Variants in SDC1 observed in about 807,000 individuals in gnomAD.
SDC1 encodes syndecan 1, also known as syndecan-1.
In SDC1, 14 loss-of-function variants were observed where a neutral mutation model predicts 29.7. The observed-to-expected ratio is 0.47, with a 90% confidence interval of 0.31 to 0.74. The LOEUF is 0.74. Ranked by LOEUF, SDC1 falls within the 30% of genes least tolerant of loss-of-function variation. The pLI is 0.05. For missense variants in SDC1, 406 were observed against 400.3 expected (o/e 1.01, Z -0.12); for synonymous variants, 204 against 175.5 (o/e 1.16, Z -1.29).
chr2:20,206,416 C>A (rs1171983378), intron 1 of SDC1, among the ~76,000 whole-genome samples: 3 of 152,208 alleles, frequency 2.0e-5, no homozygotes, highest in African/African-American at 2.4e-5. Flanking sequence ...AGTGAGCAGG[C>A]CTGTGCAGAA....
At position 20,206,858 on chromosome 2, in the gene SDC1, A is replaced by C. The variant is rs371325442; in HGVS notation, c.67-1434T>G. 1.8e-4 allele frequency among the ~76,000 whole-genome samples: 27 copies of C among 152,390 alleles called. No homozygotes were observed. In the East Asian group the frequency reaches 4.6e-3, roughly 26 times the overall value. On this transcript the variant is annotated intron_variant, in intron 1 of 4. Coordinates refer to ENST00000254351, the MANE Select transcript of SDC1 (RefSeq NM_002997.5). ...AGCCTGGCACCCAGTGGGCACCCAC[A>C]AACAGTGGCCACTGTCTAACTAGGG...
intron 1 of SDC1, among the ~76,000 whole-genome samples, chr2:20,222,215 T>A (rs1677845086): frequency 6.6e-6 from 1 of 152,158 alleles, no homozygotes; most frequent in Non-Finnish European, 1.5e-5. Flanking sequence ...ACCCATTCAG[T>A]CACTCCTTGC....
At position 20,224,646 on chromosome 2, in the gene SDC1, T is replaced by TGGTCTCGG. The variant is rs1677933764; in HGVS notation, c.66+148_66+155dup. Among the ~76,000 whole-genome samples the TGGTCTCGG allele has an allele frequency of 6.7e-6, 1 of 150,006 alleles. No homozygotes were observed. Among genetic ancestry groups the TGGTCTCGG allele is most frequent in the African/African-American group, 2.5e-5 (1 of 40,484 alleles). The stretch of plus-strand genomic sequence containing the variant: ...GCGGAGGAAATTGGGGCTGGAGCCC[T>TGGTCTCGG]GGTCTCGGGGCTCACCGTCCCGGGA... On this transcript the variant is annotated intron_variant, in intron 1 of 4. Coordinates refer to ENST00000254351, the MANE Select transcript of SDC1 (RefSeq NM_002997.5). This position sits in a 1 kb window ranked among gnomAD's most constrained non-coding sequence, Gnocchi z 4.9.
In SDC1 at chr2:20,224,099, C is replaced by A; in HGVS notation, c.66+703G>T. 2 of 380,198 alleles carry A rather than the reference C, an allele frequency of 5.3e-6. No individual in the cohort carries two copies. Among genetic ancestry groups the A allele is most frequent in the South Asian group, 3.5e-5 (2 of 57,288 alleles). The allele number at this position is 380,198 out of a possible 1,614,324, so 23.6% of individuals were successfully genotyped here. A position where few individuals can be genotyped will look rare whatever the true frequency, so the allele number is the denominator to read the frequency against. Reference sequence around the variant, plus strand: ...AACGCGCCCTCCGGGGCCAGCTCAACTTCAGCAGCCCAGAAGTTGGGCTCC... The same window carrying A: ...AACGCGCCCTCCGGGGCCAGCTCAAATTCAGCAGCCCAGAAGTTGGGCTCC... On this transcript the variant is annotated intron_variant, in intron 1 of 4. Coordinates refer to ENST00000254351, the MANE Select transcript of SDC1 (RefSeq NM_002997.5). The surrounding 1 kb of genome is among the most constrained non-coding windows in gnomAD (Gnocchi z 4.9).
At position 20,225,029 on chromosome 2, in the gene SDC1, G is replaced by A. The variant is rs1030985749; in HGVS notation, c.-162C>T. 4.6e-6 allele frequency: 4 copies of A among 861,542 alleles called. No individual in the cohort carries two copies. In the African/African-American group the frequency reaches 7.1e-5, roughly 15 times the overall value. The allele number at this position is 861,542 out of a possible 1,614,324, so 53.4% of individuals were successfully genotyped here. A position where few individuals can be genotyped will look rare whatever the true frequency, so the allele number is the denominator to read the frequency against. On this transcript the variant is annotated 5_prime_UTR_variant, in exon 1 of 5. Coordinates refer to ENST00000254351, the MANE Select transcript of SDC1 (RefSeq NM_002997.5). ...CGCCGGCTGGAGTCCGCTCTCTACT[G>A]CCGGATTCCTCTCCGCTCGGCTCGG... is the stretch of plus-strand genomic sequence containing the variant.
At position 20,204,403 on chromosome 2, in the gene SDC1, C is replaced by T. The variant is rs1677181830; in HGVS notation, c.149-112G>A. 4 of 729,368 alleles carry T rather than the reference C, an allele frequency of 5.5e-6. No homozygotes were observed. The South Asian group carries it at 6.6e-5, about 12-fold the overall frequency. 45.2% of individuals were successfully genotyped at this position (729,368 alleles called of 1,614,324 possible). A position where few individuals can be genotyped will look rare whatever the true frequency, so the allele number is the denominator to read the frequency against. ...CCAGAGCACCTGGGCTGGCCAAGCTCAGGCTATGAGGGAGGCTAGTACCTG... is the reference window on the plus strand; with the variant it reads ...CCAGAGCACCTGGGCTGGCCAAGCTTAGGCTATGAGGGAGGCTAGTACCTG... On this transcript the variant is annotated intron_variant, in intron 2 of 4. Transcript: ENST00000254351.
Position 20,224,598 on chromosome 2 carries a change from G to T in SDC1, c.66+204C>A, listed in dbSNP as rs561690119. On this transcript the variant is annotated intron_variant, in intron 1 of 4. Transcript: ENST00000254351. The surrounding 1 kb of genome is among the most constrained non-coding windows in gnomAD (Gnocchi z 4.9). ...CGGCCCCCCACCCTCCCCAGCGCGG[G>T]ACCGGTGCGGCACCCACCGACAGCG... 4.1e-3 allele frequency among the ~76,000 whole-genome samples: 623 copies of T among 151,720 alleles called. 4 individuals carry two copies. Among genetic ancestry groups the T allele is most frequent in the African/African-American group, 0.015 (604 of 41,452 alleles).
At chr2:20,218,478 C>T (rs1677702316) in intron 1 of SDC1, among the ~76,000 whole-genome samples, 2 of 152,094 alleles carry the variant, frequency 1.3e-5, no homozygotes, top group South Asian at 4.2e-4. Context: ...CAGGCAAGGC[C>T]CAAATGCAGT....
chr2:20,211,977 A>T (rs1171068016), intron 1 of SDC1, among the ~76,000 whole-genome samples: 1 of 152,242 alleles, frequency 6.6e-6, no homozygotes, highest in African/African-American at 2.4e-5. Flanking sequence ...GGAATCCGCC[A>T]TGCGGCTCCC....
chr2:20,201,999 A>G lies in SDC1; in HGVS notation c.*767T>C. The G allele has an allele frequency of 2.5e-6, 1 of 394,864 alleles. No individual in the cohort carries two copies. Among genetic ancestry groups the G allele is most frequent in the Non-Finnish European group, 4.5e-6 (1 of 223,808 alleles). 24.5% of individuals were successfully genotyped at this position (394,864 alleles called of 1,614,324 possible). On this transcript the variant is annotated 3_prime_UTR_variant, in exon 5 of 5. Coordinates refer to ENST00000254351, the MANE Select transcript of SDC1 (RefSeq NM_002997.5). ...ACCACCAGAAACGGGGCCACCAGAC[A>G]GATAGTCCATACCCTGTTGCACACA...
chr2:20,204,326 G>A (rs544991047), intron 2 of SDC1, 35 bp from the exon 3 acceptor site: 4 of 1,454,094 alleles, frequency 2.8e-6, no homozygotes, highest in South Asian at 1.2e-5. Context: ...TTGGGGAGGT[G>A]GGGGGTGGGG....
intron 1 of SDC1, among the ~76,000 whole-genome samples, chr2:20,208,438 C>T (rs1450838940): frequency 6.6e-6 from 1 of 152,248 alleles, no homozygotes; most frequent in Non-Finnish European, 1.5e-5. Flanking sequence ...CCTTCAGTCT[C>T]CACTAAGGGG....
chr2:20,222,922 G>A (rs927280654), intron 1 of SDC1, among the ~76,000 whole-genome samples: 2 of 152,148 alleles, frequency 1.3e-5, no homozygotes, highest in African/African-American at 2.4e-5. Context: ...TGCGAGAATG[G>A]GGCAGTGAGG....
At chr2:20,213,889 A>AG in intron 1 of SDC1, among the ~76,000 whole-genome samples, 1 of 152,348 alleles carries the variant, frequency 6.6e-6, no homozygotes, top group East Asian at 1.9e-4. Context: ...CTGTGTGTGA[A>AG]GGTGGGGGAG....
intron 1 of SDC1, among the ~76,000 whole-genome samples, chr2:20,211,919 G>A (rs781703214): frequency 1.3e-5 from 2 of 152,242 alleles, no homozygotes; most frequent in South Asian, 2.1e-4. Flanking sequence ...CACTGAGCAG[G>A]CAGGTCATAT....
rs1677927637 is a variant in SDC1, at chr2:20,224,473, C to G, written c.66+329G>C. Among the ~76,000 whole-genome samples the G allele has an allele frequency of 6.6e-6, 1 of 151,640 alleles. No homozygotes were observed. The highest frequency in any genetic ancestry group is 1.5e-5 in the Non-Finnish European group (1 of 67,848). ...GACGGGGGCCCGGCCGCCGCGGTGG[C>G]CGGGGCGAGGAGGGTGGGAACGGGC... On this transcript the variant is annotated intron_variant, in intron 1 of 4. Coordinates refer to ENST00000254351, the MANE Select transcript of SDC1 (RefSeq NM_002997.5). The surrounding 1 kb of genome is among the most constrained non-coding windows in gnomAD (Gnocchi z 4.9).
rs556209930 is a variant in SDC1 at position 20,224,456 on chromosome 2, C to T, written c.66+346G>A. On this transcript the variant is annotated intron_variant, in intron 1 of 4. Transcript: ENST00000254351. This position sits in a 1 kb window ranked among gnomAD's most constrained non-coding sequence, Gnocchi z 4.9. ...CATCCCCCCGGGTCACCGACGGGGG[C>T]CCGGCCGCCGCGGTGGCCGGGGCGA... Among the ~76,000 whole-genome samples the T allele has an allele frequency of 2.0e-5, 3 of 151,618 alleles. No individual in the cohort carries two copies. The South Asian group carries it at 6.2e-4, about 31-fold the overall frequency.
At chr2:20,206,909 C>A (rs1328558643) in intron 1 of SDC1, among the ~76,000 whole-genome samples, 2 of 152,244 alleles carry the variant, frequency 1.3e-5, no homozygotes, top group African/African-American at 4.8e-5. Flanking sequence ...GCAGGCCTGT[C>A]TAGAAAGAGG....
At chr2:20,205,731 A>G (rs1210366273) in intron 1 of SDC1, among the ~76,000 whole-genome samples, 1 of 152,190 alleles carries the variant, frequency 6.6e-6, no homozygotes, top group Non-Finnish European at 1.5e-5. Flanking sequence ...TCAGAAGGGC[A>G]GACAGGGAGC....
Sources: gnomAD v4.1 joint callset for allele counts (sites outside exome capture counted in the v4.1 genomes callset) on GRCh38, gnomAD v4.1.1 for gene constraint, Gnocchi (gnomAD v3.1) non-coding constraint, MANE v1.5 for transcripts, NCBI Gene and HGNC (gene_info 2026-07-23, HGNC 2026-07-21) for gene names.